The following HAUS1 variants were observed in gnomAD, a reference collection of about 807,000 sequenced individuals.
The protein encoded by HAUS1 is HAUS augmin-like complex subunit 1.
A neutral mutation model predicts 38.6 loss-of-function variants in HAUS1; 25 were observed. That is an observed-to-expected ratio of 0.65 (90% CI 0.47 to 0.91). The LOEUF (loss-of-function observed/expected upper bound fraction) is 0.91, where lower values mean the gene tolerates loss of function less well. Among genes scored for constraint, HAUS1 ranks in the 40% least tolerant of loss-of-function variants. The pLI, the probability that HAUS1 is intolerant of heterozygous loss-of-function variation, is 0.00. For missense variants in HAUS1, 325 were observed against 328.4 expected, an observed-to-expected ratio of 0.99 and a Z score of 0.08; for synonymous variants, 109 against 112.9, an observed-to-expected ratio of 0.97 and a Z score of 0.22.
chr18:46,120,477 G>A (rs71364522), intron 4 of HAUS1, among the ~76,000 whole-genome samples: 17 of 151,284 alleles, frequency 1.1e-4, no homozygotes, highest in Non-Finnish European at 2.1e-4. Flanking sequence ...CAGGTGATCC[G>A]CCCGCCTCGG....
At chr18:46,125,333 G>A (rs1214264401) in intron 7 of HAUS1, among the ~76,000 whole-genome samples, 5 of 151,774 alleles carry the variant, frequency 3.3e-5, no homozygotes, top group African/African-American at 1.2e-4. Context: ...GGCAGATCAC[G>A]AGGTCAGGAG....
intron 2 of HAUS1, among the ~76,000 whole-genome samples, chr18:46,112,997 C>CATATATATATTATATTAT (rs748312701): frequency 2.3e-5 from 1 of 43,866 alleles, no homozygotes; most frequent in Non-Finnish European, 4.8e-5. Flanking sequence ...ATATATATTC[C>CATATATATATTATATTAT]ATATATATGG....
At position 46,124,609 on chromosome 18, in the gene HAUS1, A is replaced by G. The variant is rs537685829; in HGVS notation, c.667-213A>G. Among the ~76,000 whole-genome samples, 13 of 152,102 alleles carry G rather than the reference A, an allele frequency of 8.5e-5. No individual in the cohort carries two copies. The South Asian group carries it at 2.7e-3, about 32-fold the overall frequency. On this transcript the variant is annotated intron_variant, in intron 6 of 8. Coordinates refer to ENST00000282058, the MANE Select transcript of HAUS1 (RefSeq NM_138443.4). ...TCAAAAAAAAATTATAATAATAATA[A>G]TTAAATAAGACTATAACTTTCCTAT...
chr18:46,119,992 C>G lies in HAUS1; in HGVS notation c.408C>G (p.Ile136Met). ...LFRTKSKSEE[I>M]KIELEKLEKN... is the part of the protein sequence containing the mutation. The stretch of plus-strand genomic sequence containing the variant: ...GTACCAAATCCAAAAGTGAAGAAAT[C>G]AAGATTGAACTGGAAAAACTTGAAA... The change falls in exon 4 of 9, where the codon ATC becomes ATG. Residue 136 changes from isoleucine to methionine, a missense_variant. Coordinates refer to ENST00000282058, the MANE Select transcript of HAUS1 (RefSeq NM_138443.4). The G allele has an allele frequency of 6.2e-7, 1 of 1,608,640 alleles. No individual in the cohort carries two copies. Among genetic ancestry groups the G allele is most frequent in the Non-Finnish European group, 8.5e-7 (1 of 1,176,956 alleles).
chr18:46,124,941 C>T (rs750107859), intron 7 of HAUS1, 48 bp downstream of exon 7: 19 of 1,036,550 alleles, frequency 1.8e-5, no homozygotes, highest in Admixed American at 8.8e-5. Context: ...CCAACCTTCC[C>T]TGAGGGTACT....
chr18:46,111,966 A>G (rs1599809205), intron 2 of HAUS1, among the ~76,000 whole-genome samples: 1 of 141,912 alleles, frequency 7.0e-6, no homozygotes, highest in Non-Finnish European at 1.5e-5. Flanking sequence ...GCTCACTGCA[A>G]CCTCCGCCTC....
intron 8 of HAUS1, chr18:46,126,510 T>G (rs1394346070): frequency 1.3e-5 from 2 of 152,164 alleles, no homozygotes; most frequent in Non-Finnish European, 2.9e-5. Context: ...TGGTTCATGA[T>G]GTAGAAGGCC....
intron 2 of HAUS1, chr18:46,106,935 A>T (rs1911496606): frequency 6.6e-6 from 1 of 152,110 alleles, no homozygotes; most frequent in African/African-American, 2.4e-5. Context: ...GAAATTCTTG[A>T]ACCCGGGAGG....
chr18:46,125,804 T>C lies in HAUS1; in HGVS notation c.786+13T>C, dbSNP rs754807604. The stretch of plus-strand genomic sequence containing the variant: ...AAAGCGAGAACTAGTAAGTAGTTCC[T>C]GTAATTTTTTCAGATTTTTTTAAAA... On this transcript the variant is annotated intron_variant, in intron 8 of 8. Transcript: ENST00000282058. The C allele has an allele frequency of 1.9e-6, 3 of 1,546,532 alleles. No homozygotes were observed. The highest frequency in any genetic ancestry group is 2.7e-5 in the African/African-American group (2 of 73,118).
At chr18:46,109,387 C>A (rs4257298) in intron 2 of HAUS1, among the ~76,000 whole-genome samples, 89,970 of 152,018 alleles carry the variant, frequency 0.59, 27,114 homozygotes, top group African/African-American at 0.72. Flanking sequence ...TTAGGTGGGG[C>A]CACGGAGCCA....
intron 2 of HAUS1, among the ~76,000 whole-genome samples, chr18:46,109,350 C>T (rs1043679700): frequency 2.6e-5 from 4 of 152,074 alleles, no homozygotes; most frequent in South Asian, 2.1e-4. Flanking sequence ...TCCCCTGACA[C>T]GTGGGGATTA....
chr18:46,125,005 A>T (rs533663847), intron 7 of HAUS1, 112 bp downstream of exon 7: 428 of 598,902 alleles, frequency 7.1e-4, no homozygotes, highest in Non-Finnish European at 1.0e-3. Context: ...CACGCCTGTA[A>T]TCCCAGCACT....
intron 2 of HAUS1, among the ~76,000 whole-genome samples, chr18:46,112,983 T>TA (rs1351253693): frequency 6.7e-5 from 3 of 44,558 alleles, no homozygotes; most frequent in Admixed American, 4.5e-4. Flanking sequence ...ATATTATATA[T>TA]ATAATATATA....
chr18:46,118,142 AAAG>A (rs777473672), intron 2 of HAUS1, 36 bp from the exon 3 acceptor site: 6 of 1,605,590 alleles, frequency 3.7e-6, no homozygotes, highest in Non-Finnish European at 5.1e-6. Context: ...AATTTTTAAA[AAAG>A]CAAACAGTCA....
chr18:46,110,337 T>TTTTTTTTTG (rs1911591059), intron 2 of HAUS1, among the ~76,000 whole-genome samples: 1 of 116,682 alleles, frequency 8.6e-6, no homozygotes, highest in Non-Finnish European at 1.8e-5. Flanking sequence ...TTTAAGGTTT[T>TTTTTTTTTG]TTTTTTTTTT....
In HAUS1 at chr18:46,124,832, G is replaced by A; in HGVS notation, c.677G>A (p.Arg226Lys). 1 of 1,600,810 alleles carries A rather than the reference G, an allele frequency of 6.2e-7. No individual in the cohort carries two copies. Among genetic ancestry groups the A allele is most frequent in the Non-Finnish European group, 8.6e-7 (1 of 1,169,416 alleles). Residue 226 changes from arginine to lysine, a missense_variant, in exon 7 of 9, where the codon AGA becomes AAA. Arg to Lys is a conservative substitution (Grantham distance 26, BLOSUM62 2). Coordinates refer to ENST00000282058, the MANE Select transcript of HAUS1 (RefSeq NM_138443.4). ...SLVALSEKLA[R>K]LKQQTIPLKK... ...TTCTTTTACCCCCAGAAACTGGCAA[G>A]ATTAAAGCAACAGACTATACCTTTG... is the stretch of plus-strand genomic sequence containing the variant.
chr18:46,111,949 G>T (rs1299296967), intron 2 of HAUS1, among the ~76,000 whole-genome samples: 1 of 146,346 alleles, frequency 6.8e-6, no homozygotes, highest in African/African-American at 2.5e-5. Context: ...GCAATGGCAC[G>T]ATCTCAGCTC....
intron 2 of HAUS1, among the ~76,000 whole-genome samples, chr18:46,113,270 T>G (rs1015728965): frequency 7.3e-5 from 11 of 151,416 alleles, no homozygotes; most frequent in Non-Finnish European, 7.4e-5. Context: ...AAAGATAGGG[T>G]TTCACCATGT....
intron 6 of HAUS1, among the ~76,000 whole-genome samples, chr18:46,124,612 A>C (rs1299039763): frequency 6.6e-6 from 1 of 152,030 alleles, no homozygotes; most frequent in Non-Finnish European, 1.5e-5. Context: ...AATAATAATT[A>C]AATAAGACTA....
Sources: allele counts gnomAD v4.1 joint callset (sites outside exome capture counted in the v4.1 genomes callset), GRCh38; gene constraint gnomAD v4.1.1; transcripts MANE v1.5; gene names NCBI Gene and HGNC (gene_info 2026-07-23, HGNC 2026-07-21).